MINDY4: variants seen among roughly 807,000 people sequenced by gnomAD.
MINDY4 encodes the protein MINDY lysine 48 deubiquitinase 4.
In MINDY4, 68 loss-of-function variants were observed where a neutral mutation model predicts 87.0. The ratio of observed to expected loss-of-function variants is 0.78; its 90% CI spans 0.64 to 0.96. MINDY4 has a LOEUF of 0.96. Among genes scored for constraint, MINDY4 ranks in the 40% least tolerant of loss-of-function variants. The probability of loss-of-function intolerance (pLI) is 0.00; values close to 1 mark genes in which losing one functional copy is unlikely to be tolerated. For synonymous variants in MINDY4, 379 were observed against 363.2 expected (o/e 1.04, Z -0.50); for missense variants, 919 against 928.2 (o/e 0.99, Z 0.13).
At chr7:30,830,919 T>C (rs890161350) in intron 6 of MINDY4, among the ~76,000 whole-genome samples, 5 of 152,074 alleles carry the variant, frequency 3.3e-5, no homozygotes, top group African/African-American at 1.2e-4. Context: ...TGGGGGTCAG[T>C]GTGAGATGAG....
chr7:30,825,514 C>T (rs73091453), intron 5 of MINDY4, among the ~76,000 whole-genome samples: 14,964 of 152,190 alleles, frequency 0.098, 1,115 homozygotes, highest in African/African-American at 0.2. Context: ...TGGCCCTTGT[C>T]CTGCGGTCTG....
At chr7:30,821,946 A>G (rs762011585) in intron 5 of MINDY4, among the ~76,000 whole-genome samples, 2 of 152,154 alleles carry the variant, frequency 1.3e-5, no homozygotes, top group African/African-American at 2.4e-5. Flanking sequence ...AAATTCAGCA[A>G]TTGGTATGAT....
At chr7:30,865,984 C>T (rs1051816873) in intron 13 of MINDY4, among the ~76,000 whole-genome samples, 4 of 152,244 alleles carry the variant, frequency 2.6e-5, no homozygotes, top group South Asian at 2.1e-4. Context: ...GCTGTCCTCT[C>T]GCAGTGCAGC....
intron 4 of MINDY4, among the ~76,000 whole-genome samples, chr7:30,790,957 A>G (rs76757054): frequency 0.04 from 6,158 of 152,294 alleles, 248 homozygotes; most frequent in East Asian, 0.2. Context: ...AGGTTCCAGC[A>G]GGCGGGGTGT....
At chr7:30,883,649 G>T (rs1419540535) in intron 17 of MINDY4, among the ~76,000 whole-genome samples, 1 of 152,208 alleles carries the variant, frequency 6.6e-6, no homozygotes, top group Non-Finnish European at 1.5e-5. Context: ...GGGCCCCTGG[G>T]CTGGTGGTGC....
At chr7:30,869,362 G>A (rs1204621938) in intron 13 of MINDY4, among the ~76,000 whole-genome samples, 1 of 152,176 alleles carries the variant, frequency 6.6e-6, no homozygotes, top group African/African-American at 2.4e-5. Context: ...TCATGTAATG[G>A]GCTTCTGCCT....
At position 30,836,576 on chromosome 7, in the gene MINDY4, ATGTC is replaced by A. The variant is rs1307543588; in HGVS notation, c.1133-78_1133-75del. ...ACTCAAACCTTCTACAAACTTAGCA[ATGTC>A]TGTGGTGTTCAGTGACTTCATGTTC... On this transcript the variant is annotated intron_variant, in intron 6 of 17. Transcript: ENST00000265299. The A allele has an allele frequency of 4.6e-6, 5 of 1,086,156 alleles. No homozygotes were observed. The African/African-American group carries it at 7.8e-5, about 17-fold the overall frequency. The allele number at this position is 1,086,156 out of a possible 1,614,324, so 67.3% of individuals were successfully genotyped here.
At chr7:30,889,934 T>C (rs1354952397) in intron 17 of MINDY4, among the ~76,000 whole-genome samples, 3 of 152,232 alleles carry the variant, frequency 2.0e-5, no homozygotes, top group African/African-American at 7.2e-5. Context: ...CATCCAGATC[T>C]GTTTCTAAGC....
chr7:30,858,644 GT>G (rs1289977403), intron 12 of MINDY4: 4 of 131,294 alleles, frequency 3.0e-5, no homozygotes, highest in South Asian at 2.4e-4. Flanking sequence ...AAATGTTGAT[GT>G]TTTAAAAATA....
chr7:30,840,366 T>A lies in MINDY4; in HGVS notation c.1357-394T>A, dbSNP rs76412181. On this transcript the variant is annotated intron_variant, in intron 8 of 17. Transcript: ENST00000265299. ...GCCAGCCGAGATGGTCAGGAAAGGC[T>A]TCTTGGAGGAGGAGAACTTTAGGAT... 5.9e-3 allele frequency among the ~76,000 whole-genome samples: 892 copies of A among 152,248 alleles called. 8 individuals are homozygous for A. The highest frequency in any genetic ancestry group is 0.021 in the African/African-American group (866 of 41,530).
chr7:30,875,723 T>TAC, intron 15 of MINDY4, 67 bp downstream of exon 15: 2 of 1,516,768 alleles, frequency 1.3e-6, no homozygotes, highest in Admixed American at 2.0e-5. Flanking sequence ...AGGAGGGAAG[T>TAC]GGGGAAGGAA....
At chr7:30,872,661 C>T (rs10229983) in intron 14 of MINDY4, among the ~76,000 whole-genome samples, 4,944 of 152,294 alleles carry the variant, frequency 0.032, 257 homozygotes, top group African/African-American at 0.11. Flanking sequence ...GACCCTGGGT[C>T]CAGCTGGGGA....
At chr7:30,832,786 G>T (rs1788744506) in intron 6 of MINDY4, among the ~76,000 whole-genome samples, 1 of 152,124 alleles carries the variant, frequency 6.6e-6, no homozygotes, top group South Asian at 2.1e-4. Flanking sequence ...GGGATTACAG[G>T]CATGAGCCAC....
chr7:30,786,605 C>T (rs1584236762), intron 4 of MINDY4: 1 of 126,884 alleles, frequency 7.9e-6, no homozygotes, highest in Non-Finnish European at 1.6e-5. Context: ...CTGGCCTGGG[C>T]AAGACTGAGA....
intron 5 of MINDY4, among the ~76,000 whole-genome samples, chr7:30,809,798 G>GA (rs143331869): frequency 0.092 from 13,816 of 150,680 alleles, 1,301 homozygotes; most frequent in African/African-American, 0.24. Flanking sequence ...AAAAAAGGGG[G>GA]AAAAAAAAGG....
At chr7:30,835,381 T>C (rs1245011313) in intron 6 of MINDY4, among the ~76,000 whole-genome samples, 1 of 152,212 alleles carries the variant, frequency 6.6e-6, no homozygotes, top group Non-Finnish European at 1.5e-5. Context: ...ACTCCCATGA[T>C]TCGGTTATCT....
chr7:30,862,614 G>A (rs1056059037), intron 13 of MINDY4, among the ~76,000 whole-genome samples: 1 of 152,240 alleles, frequency 6.6e-6, no homozygotes, highest in African/African-American at 2.4e-5. Flanking sequence ...GCTGGCAAAG[G>A]CCTTTCTCTA....
At chr7:30,853,009 C>T (rs376110782) in intron 11 of MINDY4, among the ~76,000 whole-genome samples, 5 of 152,200 alleles carry the variant, frequency 3.3e-5, no homozygotes, top group Non-Finnish European at 7.3e-5. Context: ...TGTTGGCTTC[C>T]ACCTGGCCTG....
chr7:30,841,965 C>T (rs1399178880), intron 9 of MINDY4, among the ~76,000 whole-genome samples: 1 of 152,190 alleles, frequency 6.6e-6, no homozygotes, highest in Non-Finnish European at 1.5e-5. Context: ...ACCCATTTCC[C>T]ATGCATTCCT....
Sources: allele counts gnomAD v4.1 joint callset (sites outside exome capture counted in the v4.1 genomes callset), GRCh38; gene constraint gnomAD v4.1.1; transcripts MANE v1.5; gene names NCBI Gene and HGNC (gene_info 2026-07-23, HGNC 2026-07-21).